Variants in PSD3 observed in about 807,000 individuals in gnomAD.
The protein encoded by PSD3 is PH and SEC7 domain-containing protein 3.
Under a neutral mutation model 105.5 loss-of-function variants are expected in PSD3, and 49 were observed. The observed-to-expected ratio is 0.46, with a 90% CI of 0.37 to 0.59. PSD3 has a LOEUF of 0.59. PSD3 is among the 20% of genes least tolerant of loss of function. The pLI is 0.00. For missense variants in PSD3, 1,561 were observed against 1,263.8 expected, an observed-to-expected ratio of 1.24 and a Z score of -3.57; for synonymous variants, 557 against 457.8, an observed-to-expected ratio of 1.22 and a Z score of -2.77.
chr8:18,821,831 A>G (rs1812749966), intron 4 of PSD3, among the ~76,000 whole-genome samples: 1 of 107,808 alleles, frequency 9.3e-6, no homozygotes, highest in Non-Finnish European at 1.9e-5. Context: ...GTGTTTTGAG[A>G]AGGGAATACC....
At chr8:19,006,965 C>A (rs1468859490) in intron 1 of PSD3, among the ~76,000 whole-genome samples, 1 of 152,010 alleles carries the variant, frequency 6.6e-6, no homozygotes, top group African/African-American at 2.4e-5. Flanking sequence ...AAAAAGTCAA[C>A]TGCAGCCAGC....
chr8:18,787,040 C>T (rs1447549084), intron 8 of PSD3, among the ~76,000 whole-genome samples: 1 of 152,144 alleles, frequency 6.6e-6, no homozygotes, highest in East Asian at 1.9e-4. Flanking sequence ...ACCAGGCTGT[C>T]TCAATTATTT....
At chr8:18,898,519 C>G (rs144245600) in intron 2 of PSD3, among the ~76,000 whole-genome samples, 7,131 of 152,166 alleles carry the variant, frequency 0.047, 204 homozygotes, top group South Asian at 0.081. Flanking sequence ...TTTAGGGGCA[C>G]TGAGCACCAC....
intron 11 of PSD3, among the ~76,000 whole-genome samples, chr8:18,618,768 CA>C (rs1234619683): frequency 1.3e-5 from 2 of 151,922 alleles, no homozygotes; most frequent in African/African-American, 4.8e-5. Context: ...GCAGACTTAA[CA>C]TCCTGGGCTC....
intron 14 of PSD3, among the ~76,000 whole-genome samples, chr8:18,561,896 C>T (rs1010675602): frequency 6.6e-6 from 1 of 152,118 alleles, no homozygotes; most frequent in South Asian, 2.1e-4. Flanking sequence ...CAGTCCTTCT[C>T]CCCCGGTGCA....
chr8:18,709,138 G>T (rs1051037048), intron 9 of PSD3, among the ~76,000 whole-genome samples: 1 of 152,118 alleles, frequency 6.6e-6, no homozygotes, highest in African/African-American at 2.4e-5. Context: ...CATCACTGTG[G>T]CTCCAATTGG....
chr8:18,758,413 T>TC (rs1472349144), intron 9 of PSD3, among the ~76,000 whole-genome samples: 1 of 135,160 alleles, frequency 7.4e-6, no homozygotes, highest in African/African-American at 3.3e-5. Flanking sequence ...TCAGTTTTAC[T>TC]CTTTTTTTTT....
intron 15 of PSD3, among the ~76,000 whole-genome samples, chr8:18,554,906 G>T (rs1800975015): frequency 6.6e-6 from 1 of 152,130 alleles, no homozygotes; most frequent in Non-Finnish European, 1.5e-5. Context: ...TTAGGCAGAG[G>T]AAAGTAAGTG....
At chr8:18,824,213 G>A (rs1481594240) in intron 4 of PSD3, among the ~76,000 whole-genome samples, 2 of 152,156 alleles carry the variant, frequency 1.3e-5, no homozygotes, top group Non-Finnish European at 2.9e-5. Flanking sequence ...CCCAGGCTAT[G>A]TCAATTTTCC....
chr8:18,700,481 A>G (rs1035222735), intron 9 of PSD3, among the ~76,000 whole-genome samples: 3 of 152,212 alleles, frequency 2.0e-5, no homozygotes, highest in African/African-American at 7.2e-5. Flanking sequence ...GCTATCTCCC[A>G]TGCTTAAACC....
intron 1 of PSD3, among the ~76,000 whole-genome samples, chr8:19,057,036 T>G (rs1828731967): frequency 1.3e-5 from 2 of 152,198 alleles, no homozygotes; most frequent in Admixed American, 1.3e-4. Context: ...TAGCTTTTGA[T>G]GAGCTCTTGA....
intron 15 of PSD3, among the ~76,000 whole-genome samples, chr8:18,541,758 T>A (rs1480076066): frequency 6.6e-6 from 1 of 151,926 alleles, no homozygotes; most frequent in African/African-American, 2.4e-5. Context: ...GAATCTTTTT[T>A]TTTTTTTTTG....
chr8:18,627,296 T>G (rs148724089), intron 11 of PSD3, among the ~76,000 whole-genome samples: 1 of 151,962 alleles, frequency 6.6e-6, no homozygotes, highest in Non-Finnish European at 1.5e-5. Flanking sequence ...TTAGTGATGC[T>G]GAGAGGGCTA....
Position 18,898,073 on chromosome 8 carries a change from C to T in PSD3, c.131-25340G>A, listed in dbSNP as rs181140685. Among the ~76,000 whole-genome samples, 116 of 152,212 alleles carry T rather than the reference C, an allele frequency of 7.6e-4. 1 individual carries two copies. Among genetic ancestry groups the T allele is most frequent in the South Asian group, 4.6e-3 (22 of 4,820 alleles). On this transcript the variant is annotated intron_variant, in intron 2 of 15. Coordinates refer to ENST00000327040, the MANE Select transcript of PSD3 (RefSeq NM_015310.4). Reference sequence around the variant, plus strand: ...ATGTTGGCTATGGTTTTCTCATATACGGCTTTGACTGTGTCGAGGTATGTT... The same window carrying T: ...ATGTTGGCTATGGTTTTCTCATATATGGCTTTGACTGTGTCGAGGTATGTT...
intron 12 of PSD3, among the ~76,000 whole-genome samples, chr8:18,587,326 T>C (rs1803267112): frequency 6.6e-6 from 1 of 152,140 alleles, no homozygotes; most frequent in Non-Finnish European, 1.5e-5. Context: ...TGAAATTCCT[T>C]GAGGGAAGAA....
At chr8:18,823,649 T>C (rs1053575667) in intron 4 of PSD3, among the ~76,000 whole-genome samples, 3 of 152,168 alleles carry the variant, frequency 2.0e-5, no homozygotes, top group African/African-American at 7.2e-5. Flanking sequence ...AGTCACTCCA[T>C]AGCAACTAAA....
chr8:18,644,226 G>A (rs763569679), intron 10 of PSD3, among the ~76,000 whole-genome samples: 6 of 152,196 alleles, frequency 3.9e-5, no homozygotes, highest in Non-Finnish European at 8.8e-5. Flanking sequence ...ATCATTCTTT[G>A]TAAGGCCAGG....
intron 9 of PSD3, among the ~76,000 whole-genome samples, chr8:18,676,804 C>A (rs1333493154): frequency 3.9e-5 from 6 of 152,228 alleles, no homozygotes; most frequent in Non-Finnish European, 7.3e-5. Context: ...CTGCTTCCTG[C>A]AGAGCCAGTC....
At chr8:18,668,013 C>T (rs1000819333) in intron 9 of PSD3, among the ~76,000 whole-genome samples, 9 of 152,226 alleles carry the variant, frequency 5.9e-5, no homozygotes, top group Non-Finnish European at 8.8e-5. Context: ...ACCAAGAAAT[C>T]GCGCTGGCCC....
Sources: allele counts gnomAD v4.1 joint callset (sites outside exome capture counted in the v4.1 genomes callset), GRCh38; gene constraint gnomAD v4.1.1; transcripts MANE v1.5; gene names NCBI Gene and HGNC (gene_info 2026-07-23, HGNC 2026-07-21).